Variants in ABCC5 observed in about 807,000 individuals in gnomAD.
ABCC5 encodes the protein ATP-binding cassette sub-family C member 5.
ABCC5 carries 61 observed loss-of-function variants against 160.9 expected under a neutral mutation model. The ratio of observed to expected loss-of-function variants is 0.38; its 90% CI spans 0.31 to 0.47. The LOEUF (loss-of-function observed/expected upper bound fraction) is 0.47, where lower values mean the gene tolerates loss of function less well. Among genes scored for constraint, ABCC5 ranks in the 20% least tolerant of loss-of-function variants. The probability of loss-of-function intolerance (pLI) is 0.99; values close to 1 mark genes in which losing one functional copy is unlikely to be tolerated. For missense variants in ABCC5, 1,308 were observed against 1,813.3 expected (o/e 0.72, Z 5.06); for synonymous variants, 666 against 700.6 (o/e 0.95, Z 0.78).
chr3:183,952,364 C>T (rs1038895539), intron 18 of ABCC5, among the ~76,000 whole-genome samples: 2 of 152,152 alleles, frequency 1.3e-5, no homozygotes, highest in African/African-American at 2.4e-5. Context: ...CCATGCTGGT[C>T]TTGAACTCCT....
chr3:183,959,083 AGT>A (rs1716500055), intron 17 of ABCC5, among the ~76,000 whole-genome samples: 2 of 149,708 alleles, frequency 1.3e-5, no homozygotes, highest in African/African-American at 4.9e-5. Context: ...ACACACACAC[AGT>A]GTTTGTGTGT....
chr3:184,003,017 C>T (rs887753768), intron 2 of ABCC5, among the ~76,000 whole-genome samples: 1 of 152,150 alleles, frequency 6.6e-6, no homozygotes, highest in Non-Finnish European at 1.5e-5. Flanking sequence ...GTCTTCCTCT[C>T]CTCTCCTCAT....
chr3:183,941,987 G>A (rs1714400192), intron 25 of ABCC5, among the ~76,000 whole-genome samples: 2 of 151,630 alleles, frequency 1.3e-5, no homozygotes, highest in Non-Finnish European at 2.9e-5. Flanking sequence ...AAAAAAAGAA[G>A]TAAATTACTC....
intron 26 of ABCC5, among the ~76,000 whole-genome samples, chr3:183,934,378 G>A (rs1250839030): frequency 6.6e-6 from 1 of 152,198 alleles, no homozygotes; most frequent in Non-Finnish European, 1.5e-5. Context: ...GGGGATAAAA[G>A]ACAAGTCCAG....
chr3:184,017,637 C>T lies in ABCC5; in HGVS notation c.-56+193G>A, dbSNP rs766437678. Among the ~76,000 whole-genome samples, 5 of 152,216 alleles carry T rather than the reference C, an allele frequency of 3.3e-5. No individual in the cohort carries two copies. Among genetic ancestry groups the T allele is most frequent in the Non-Finnish European group, 7.3e-5 (5 of 68,032 alleles). The stretch of plus-strand genomic sequence containing the variant: ...TCCAGCACACGACCCCGTCACCAGA[C>T]CCCGGGCTCACAGGCCTAGGAGGCG... On this transcript the variant is annotated intron_variant, in intron 1 of 29. Transcript: ENST00000334444. This position sits in a 1 kb window ranked among gnomAD's most constrained non-coding sequence, Gnocchi z 4.5.
At chr3:184,009,912 G>A in intron 2 of ABCC5, 2 of 415,154 alleles carry the variant, frequency 4.8e-6, no homozygotes, top group South Asian at 1.7e-5. Flanking sequence ...ACTTTGGGAG[G>A]CTGAGGCGGG....
chr3:184,006,402 G>A (rs2108911542), intron 2 of ABCC5: 1 of 151,638 alleles, frequency 6.6e-6, no homozygotes, highest in East Asian at 1.9e-4. Context: ...ATAATGCAGA[G>A]CTGCAAAATG....
Position 183,951,890 on chromosome 3 carries a change from G to C in ABCC5, c.2781C>G (p.Ile927Met). The change falls in exon 19 of 30, where the codon ATC becomes ATG. Residue 927 changes from isoleucine (I) to methionine (M), a missense_variant. Transcript: ENST00000334444. This position sits in a 1 kb window ranked among gnomAD's most constrained non-coding sequence, Gnocchi z 4.7. ...IYALSMAVML[I>M]LKAIRGVVFV... ...AGACAACTCCTCGAATGGCTTTCAG[G>C]ATCAGCATGACTGCCATGGAGAGGG... The C allele has an allele frequency of 6.2e-7, 1 of 1,613,948 alleles. No individual in the cohort carries two copies. Among genetic ancestry groups the C allele is most frequent in the South Asian group, 1.1e-5 (1 of 91,086 alleles).
At chr3:183,994,853 A>ATTTTTTTTTTTTTTTTTTT (rs1560044479) in intron 2 of ABCC5, among the ~76,000 whole-genome samples, 2 of 122,846 alleles carry the variant, frequency 1.6e-5, no homozygotes, top group Non-Finnish European at 3.5e-5. Context: ...CCCATTTTCT[A>ATTTTTTTTTTTTTTTTTTT]TGTTTTTTTT....
rs1393008667 is a variant in ABCC5, at chr3:183,949,333, C to T, written c.3227+420G>A. On this transcript the variant is annotated intron_variant, in intron 22 of 29. Coordinates refer to ENST00000334444, the MANE Select transcript of ABCC5 (RefSeq NM_005688.4). The surrounding 1 kb of genome is among the most constrained non-coding windows in gnomAD (Gnocchi z 4.2). ...CAAATGTCATGACTACCTTTTACTA[C>T]TTAAAAGAAAAAGCAAAACTCTATG... is the stretch of plus-strand genomic sequence containing the variant. Among the ~76,000 whole-genome samples the T allele has an allele frequency of 6.6e-6, 1 of 152,258 alleles. No individual in the cohort carries two copies. Among genetic ancestry groups the T allele is most frequent in the African/African-American group, 2.4e-5 (1 of 41,472 alleles).
At chr3:183,969,870 C>CTCTGGTCAGTTGCTGAT (rs1302473818) in intron 11 of ABCC5, among the ~76,000 whole-genome samples, 2 of 152,212 alleles carry the variant, frequency 1.3e-5, no homozygotes, top group East Asian at 3.9e-4. Flanking sequence ...CTTACCATGC[C>CTCTGGTCAGTTGCTGAT]TCTGGTCAGT....
Position 183,982,581 on chromosome 3 carries a change from G to C in ABCC5, c.869C>G (p.Ala290Gly). The change falls in exon 7 of 30, where the codon GCA (alanine) becomes GGA (glycine). Residue 290 changes from alanine (A) to glycine (G), a missense_variant. Physicochemically the swap from Ala to Gly is moderately conservative, Grantham distance 60. Transcript: ENST00000334444. This position sits in a 1 kb window ranked among gnomAD's most constrained non-coding sequence, Gnocchi z 5.2. The stretch of plus-strand genomic sequence containing the variant: ...AGCCAGCAGGCTGCCAACGGCTGCT[G>C]CCTCAAACATTCTCTGCCCATCGTT... ...CSNDGQRMFEAAAVGSLLAGG... is the reference protein window; with the variant it reads ...CSNDGQRMFEGAAVGSLLAGG... The C allele has an allele frequency of 6.2e-7, 1 of 1,614,150 alleles. No homozygotes were observed. Among genetic ancestry groups the C allele is most frequent in the East Asian group, 2.2e-5 (1 of 44,886 alleles).
rs1312956101 is a variant in ABCC5 at position 183,965,420 on chromosome 3, G to A, written c.1915C>T (p.Leu639=). 6.2e-7 allele frequency: 1 copy of A among 1,613,926 alleles called. No homozygotes were observed. The highest frequency in any genetic ancestry group is 1.1e-5 in the South Asian group (1 of 91,086). Residue 639 remains leucine (L), a synonymous_variant, in exon 13 of 30, where the codon CTG becomes TTG. Transcript: ENST00000334444. ...TTCCCAAACAGGATGTTGTCTCTCA[G>A]AGTAGCATTGAGGATCCAGGCCTGC... The part of the protein sequence containing the change: ...AQQAWILNAT[L]RDNILFGKEY...
At chr3:183,932,321 G>C (rs1047995201) in intron 26 of ABCC5, among the ~76,000 whole-genome samples, 3 of 152,172 alleles carry the variant, frequency 2.0e-5, no homozygotes, top group African/African-American at 7.2e-5. Context: ...AGAGGAAAAA[G>C]TAGAGCAAAT....
chr3:183,970,911 T>A (rs1717679178), intron 11 of ABCC5, among the ~76,000 whole-genome samples: 1 of 152,226 alleles, frequency 6.6e-6, no homozygotes, highest in Non-Finnish European at 1.5e-5. Context: ...TGGAGTTTGA[T>A]ACTCATGAAA....
chr3:183,923,348 C>T (rs1426728121), intron 29 of ABCC5, among the ~76,000 whole-genome samples: 1 of 152,084 alleles, frequency 6.6e-6, no homozygotes, highest in Non-Finnish European at 1.5e-5. Flanking sequence ...TCCAGCTGGG[C>T]ACAGTAGCTT....
intron 2 of ABCC5, among the ~76,000 whole-genome samples, chr3:183,992,225 T>A (rs1053311202): frequency 6.6e-6 from 1 of 152,158 alleles, no homozygotes. Flanking sequence ...AAAGAAAACA[T>A]CAAACGGGCA....
At chr3:183,966,511 A>T (rs986554145) in intron 12 of ABCC5, among the ~76,000 whole-genome samples, 1 of 152,200 alleles carries the variant, frequency 6.6e-6, no homozygotes, top group Non-Finnish European at 1.5e-5. Context: ...TTTTCAACCT[A>T]ACCACTGCCT....
intron 29 of ABCC5, among the ~76,000 whole-genome samples, chr3:183,923,908 C>T (rs749725870): frequency 6.6e-6 from 1 of 152,114 alleles, no homozygotes; most frequent in African/African-American, 2.4e-5. Context: ...CAATATTTCT[C>T]CACAATTTAG....
Sources: allele counts gnomAD v4.1 joint callset (sites outside exome capture counted in the v4.1 genomes callset), GRCh38; gene constraint gnomAD v4.1.1; non-coding constraint Gnocchi (gnomAD v3.1); transcripts MANE v1.5; gene names NCBI Gene and HGNC (gene_info 2026-07-23, HGNC 2026-07-21).